The following PPRC1 variants were observed in gnomAD, a reference collection of about 807,000 sequenced individuals.
PPRC1 encodes peroxisome proliferator-activated receptor gamma coactivator-related protein 1.
PPRC1 carries 23 observed loss-of-function variants against 132.5 expected under a neutral mutation model. That is an observed-to-expected ratio of 0.17 (90% CI 0.12 to 0.25). The LOEUF (loss-of-function observed/expected upper bound fraction) is 0.25. Ranked by LOEUF, PPRC1 falls within the 10% of genes least tolerant of loss-of-function variation. PPRC1 has a pLI of 1.00. For synonymous variants in PPRC1, 872 were observed against 833.5 expected (o/e 1.05, Z -0.80); for missense variants, 2,006 against 2,089.1 (o/e 0.96, Z 0.78).
chr10:102,144,533 C>T (rs1296249638), intron 7 of PPRC1: 1 of 579,122 alleles, frequency 1.7e-6, no homozygotes, highest in Non-Finnish European at 3.1e-6. Context: ...TCCAGTCGGG[C>T]TCCAAATGTC....
Position 102,140,609 on chromosome 10 carries a change from G to A in PPRC1, c.2101G>A (p.Ala701Thr). 1 of 1,614,080 alleles carries A rather than the reference G, an allele frequency of 6.2e-7. No individual in the cohort carries two copies. The highest frequency in any genetic ancestry group is 8.5e-7 in the Non-Finnish European group (1 of 1,180,024). The change falls in exon 5 of 14, where the codon GCC (alanine) becomes ACC (threonine). Residue 701 changes from alanine to threonine, a missense_variant. By Grantham distance (58) the Ala-to-Thr change is moderately conservative. Around this residue, in one of 2 missense-constraint regions of PPRC1, gnomAD observed 1,914 missense variants for 1,917.2 expected, o/e 1.00. Transcript: ENST00000278070. Reference protein sequence around the residue: ...TDPRRGAVSSALGGSAPQLLV... With the variant: ...TDPRRGAVSSTLGGSAPQLLV... ...TCCCAGACGTGGTGCAGTGTCATCA[G>A]CCCTGGGGGGTTCAGCACCCCAGCT...
At chr10:102,132,111 C>A (rs903302588), upstream of PPRC1, among the ~76,000 whole-genome samples, 32 of 152,216 alleles carry the variant, frequency 2.1e-4, no homozygotes, top group African/African-American at 7.7e-4. Flanking sequence ...TTTTTCCATT[C>A]ATAGAAAAAA....
chr10:102,141,383 T>C lies in PPRC1; in HGVS notation c.2875T>C (p.Cys959Arg). Residue 959 changes from cysteine to arginine, a missense_variant, in exon 5 of 14, where the codon TGC becomes CGC. This residue lies in a region of PPRC1 where 1,914 missense variants were observed against 1,917.2 expected (regional missense o/e 1.00). Transcript: ENST00000278070. ...TGGTGCCTATGCCGTGCCTCCCACT[T>C]GCAGTGTGCCTTGGGCACCCCCTCC... ...TPGAYAVPPT[C>R]SVPWAPPPAP... 1 of 1,614,114 alleles carries C rather than the reference T, an allele frequency of 6.2e-7. No homozygotes were observed. Among genetic ancestry groups the C allele is most frequent in the South Asian group, 1.1e-5 (1 of 91,082 alleles).
chr10:102,127,042 TA>T, the PPRC1 span, among the ~76,000 whole-genome samples: 1 of 55,434 alleles, frequency 1.8e-5, no homozygotes, highest in Admixed American at 2.4e-4. Context: ...TATATATATA[TA>T]TATATATATA....
In PPRC1 at chr10:102,148,487, C is replaced by T; in HGVS notation, c.4516C>T (p.Pro1506Ser). Residue 1506 changes from proline to serine, a missense_variant, in exon 10 of 14, where the codon CCA (proline) becomes TCA (serine). Physicochemically the swap from Pro to Ser is moderately conservative, Grantham distance 74 (BLOSUM62 -1). Transcript: ENST00000278070. The surrounding 1 kb of genome is among the most constrained non-coding windows in gnomAD (Gnocchi z 4.2). ...SSSSRSRSRS[P>S]SPRRRSDRRR... Reference sequence around the variant, plus strand: ...CAGTTCTCGAAGCCGCTCACGATCCCCATCCCCCCGCCGGAGAAGTGACAG... The same window carrying T: ...CAGTTCTCGAAGCCGCTCACGATCCTCATCCCCCCGCCGGAGAAGTGACAG... 1 of 1,613,376 alleles carries T rather than the reference C, an allele frequency of 6.2e-7. No homozygotes were observed. Among genetic ancestry groups the T allele is most frequent in the African/African-American group, 1.3e-5 (1 of 75,028 alleles).
At chr10:102,130,420 A>C (rs1216388326), upstream of PPRC1, among the ~76,000 whole-genome samples, 6 of 145,016 alleles carry the variant, frequency 4.1e-5, no homozygotes, top group Admixed American at 1.4e-4. Flanking sequence ...CCTTCTCAAA[A>C]AAAAAAAAAA....
At position 102,148,557 on chromosome 10, in the gene PPRC1, A is replaced by G. The variant is rs1234077833; in HGVS notation, c.4550+36A>G. 1 of 1,610,432 alleles carries G rather than the reference A, an allele frequency of 6.2e-7. No individual in the cohort carries two copies. Among genetic ancestry groups the G allele is most frequent in the East Asian group, 2.2e-5 (1 of 44,858 alleles). On this transcript the variant is annotated intron_variant, in intron 10 of 13. Transcript: ENST00000278070. This position sits in a 1 kb window ranked among gnomAD's most constrained non-coding sequence, Gnocchi z 4.2. ...GTTCAGGGAGCGCCATGCACCTGGG[A>G]TGCAGGTGCCTAAGAGTTGAGTCTT...
Position 102,140,882 on chromosome 10 carries a change from A to G in PPRC1, c.2374A>G (p.Ile792Val). 6.2e-7 allele frequency: 1 copy of G among 1,614,044 alleles called. No individual in the cohort carries two copies. Among genetic ancestry groups the G allele is most frequent in the Non-Finnish European group, 8.5e-7 (1 of 1,180,000 alleles). ...AGAGACTCCCACAGGGCTGGCAGAC[A>G]TCCCTTGTCTTGTCATCCCACCAGC... ...LPETPTGLAD[I>V]PCLVIPPAPA... The change falls in exon 5 of 14, where the codon ATC becomes GTC. Residue 792 changes from isoleucine to valine, a missense_variant. Coordinates refer to ENST00000278070, the MANE Select transcript of PPRC1 (RefSeq NM_015062.5).
chr10:102,125,257 A>AT, the PPRC1 span, among the ~76,000 whole-genome samples: 10,835 of 119,770 alleles, frequency 0.09, 588 homozygotes, highest in Middle Eastern at 0.15. Context: ...CACCCAGTTA[A>AT]TTTTTTTTTT....
upstream of PPRC1, among the ~76,000 whole-genome samples, chr10:102,129,529 G>A (rs532427607): frequency 2.5e-3 from 373 of 152,236 alleles, no homozygotes; most frequent in Non-Finnish European, 4.6e-3. Flanking sequence ...AAAACGTTCC[G>A]CTTTCTTTTA....
chr10:102,135,112 A>G (rs1477774571), intron 1 of PPRC1, among the ~76,000 whole-genome samples: 1 of 152,236 alleles, frequency 6.6e-6, no homozygotes, highest in African/African-American at 2.4e-5. Flanking sequence ...ATAATAATGA[A>G]TGAGACAAAA....
intron 5 of PPRC1, 139 bp from the exon 6 acceptor site, chr10:102,142,906 G>T: frequency 1.5e-6 from 1 of 666,114 alleles, no homozygotes. Flanking sequence ...TTCATGCTTT[G>T]TGCTGCTACC....
In PPRC1 at chr10:102,139,959, G is replaced by T. The variant is rs200642961; in HGVS notation, c.1451G>T (p.Arg484Leu). The T allele has an allele frequency of 4.3e-6, 7 of 1,614,196 alleles. No individual in the cohort carries two copies. Among genetic ancestry groups the T allele is most frequent in the East Asian group, 2.2e-5 (1 of 44,886 alleles). Residue 484 changes from arginine (R) to leucine (L), a missense_variant, in exon 5 of 14, where the codon CGC becomes CTC. This residue lies in a region of PPRC1 where 1,914 missense variants were observed against 1,917.2 expected (regional missense o/e 1.00). Transcript: ENST00000278070. ...GCCAGGAGGCTGAGGTCATCTTCTC[G>T]CGGGCAGTCTACTGTAGGTACAGAA... ...GYARRLRSSS[R>L]GQSTVGTEVT... is the part of the protein sequence containing the mutation.
Position 102,133,259 on chromosome 10 carries a change from G to T in PPRC1, c.153+38G>T, listed in dbSNP as rs573347845. On this transcript the variant is annotated intron_variant, in intron 1 of 13. Transcript: ENST00000278070. ...CTGGCGGCCCGCGACAGGCAGCAAA[G>T]CGGTGTGTGCCGGGCGGTGACACGT... 11 of 1,257,460 alleles carry T rather than the reference G, an allele frequency of 8.7e-6. 1 individual carries two copies. The South Asian group carries it at 3.5e-4, about 40-fold the overall frequency. 77.9% of individuals were successfully genotyped at this position (1,257,460 alleles called of 1,614,324 possible). A position where few individuals can be genotyped will look rare whatever the true frequency, so the allele number is the denominator to read the frequency against.
chr10:102,132,984 T>G (rs957604204), upstream of PPRC1: 1 of 1,231,906 alleles, frequency 8.1e-7, no homozygotes, highest in African/African-American at 1.6e-5. Context: ...TGCAGTGTCA[T>G]TCGGGAGTTG....
Position 102,141,900 on chromosome 10 carries a change from A to G in PPRC1, c.3392A>G (p.Lys1131Arg). The G allele has an allele frequency of 6.2e-7, 1 of 1,614,120 alleles. No individual in the cohort carries two copies. Among genetic ancestry groups the G allele is most frequent in the Non-Finnish European group, 8.5e-7 (1 of 1,180,020 alleles). Residue 1131 changes from lysine (K) to arginine (R), a missense_variant, in exon 5 of 14, where the codon AAG becomes AGG. Physicochemically the swap from Lys to Arg is conservative, Grantham distance 26 (BLOSUM62 2). Coordinates refer to ENST00000278070, the MANE Select transcript of PPRC1 (RefSeq NM_015062.5). ...VPTPRQSTVP[K>R]LPAVHPARLR... Reference sequence around the variant, plus strand: ...ACACCAAGGCAGAGCACTGTCCCCAAGCTGCCTGCTGTCCACCCAGCCCGT... The same window carrying G: ...ACACCAAGGCAGAGCACTGTCCCCAGGCTGCCTGCTGTCCACCCAGCCCGT...
chr10:102,146,595 G>A (rs767501494), intron 8 of PPRC1, 77 bp from the exon 9 acceptor site: 6 of 1,496,348 alleles, frequency 4.0e-6, no homozygotes, highest in Non-Finnish European at 5.3e-6. Context: ...GGGGGTCTCT[G>A]GAGGCTATAT....
Position 102,139,537 on chromosome 10 carries a change from C to T in PPRC1, c.1029C>T (p.Cys343=), listed in dbSNP as rs749899325. The T allele has an allele frequency of 1.3e-5, 21 of 1,613,776 alleles. No individual in the cohort carries two copies. Among genetic ancestry groups the T allele is most frequent in the Middle Eastern group, 3.3e-4 (2 of 6,084 alleles). Residue 343 remains cysteine (C), a synonymous_variant, in exon 5 of 14, where the codon TGC becomes TGT. Coordinates refer to ENST00000278070, the MANE Select transcript of PPRC1 (RefSeq NM_015062.5). ...ATGATTTGACACTGCCTGAGGGCTG[C>T]GTAGTGCTGGAGATTGTGGGGCAGG... ...QPDDLTLPEG[C]VVLEIVGQAA...
upstream of PPRC1, among the ~76,000 whole-genome samples, chr10:102,128,543 A>T (rs2068496265): frequency 6.6e-6 from 1 of 151,948 alleles, no homozygotes; most frequent in Non-Finnish European, 1.5e-5. Flanking sequence ...CAAAAGAGGG[A>T]GAAAGAGAGA....
Sources: gnomAD v4.1 joint callset for allele counts (sites outside exome capture counted in the v4.1 genomes callset) on GRCh38, gnomAD v4.1.1 for gene constraint, gnomAD v4.1.1 regional missense constraint, Gnocchi (gnomAD v3.1) non-coding constraint, MANE v1.5 for transcripts, NCBI Gene and HGNC (gene_info 2026-07-23, HGNC 2026-07-21) for gene names.